GPHN: variants seen among roughly 807,000 people sequenced by gnomAD.
GPHN encodes the protein gephyrin.
Under a neutral mutation model 95.5 loss-of-function variants are expected in GPHN, and 17 were observed. That is an observed-to-expected ratio of 0.18 (90% CI 0.12 to 0.27). The LOEUF is 0.27. Ranked by LOEUF, GPHN falls within the 10% of genes least tolerant of loss-of-function variation. GPHN has a pLI of 1.00. For missense variants in GPHN, 660 were observed against 978.1 expected (o/e 0.67, Z 4.34); for synonymous variants, 320 against 322.5 (o/e 0.99, Z 0.08).
chr14:67,296,585 C>CAA, the GPHN span, among the ~76,000 whole-genome samples: 2,561 of 50,818 alleles, frequency 0.05, 444 homozygotes, highest in African/African-American at 0.076. Flanking sequence ...AACTCTGTCT[C>CAA]AAAAAAAAAA....
intron 3 of GPHN, among the ~76,000 whole-genome samples, chr14:66,780,094 T>C (rs2059551764): frequency 6.6e-6 from 1 of 152,206 alleles, no homozygotes; most frequent in Non-Finnish European, 1.5e-5. Context: ...ATTGGAAAGA[T>C]TGACTCAGAT....
intron 18 of GPHN, among the ~76,000 whole-genome samples, chr14:67,151,084 C>A (rs952204681): frequency 6.6e-5 from 10 of 152,044 alleles, no homozygotes; most frequent in Non-Finnish European, 1.2e-4. Flanking sequence ...CTTTAAGAGA[C>A]GATATAATTT....
At chr14:66,992,910 C>CA (rs766883925) in intron 9 of GPHN, among the ~76,000 whole-genome samples, 25 of 152,122 alleles carry the variant, frequency 1.6e-4, no homozygotes, top group Non-Finnish European at 3.1e-4. Flanking sequence ...GTTACTTACA[C>CA]AACAGCAGAG....
the GPHN span, among the ~76,000 whole-genome samples, chr14:67,703,583 G>A: frequency 1.3e-5 from 2 of 152,114 alleles, no homozygotes; most frequent in Non-Finnish European, 2.9e-5. Context: ...GTTCTGGGTG[G>A]ACCACTTGAG....
chr14:67,076,046 A>G (rs981696767), intron 11 of GPHN, among the ~76,000 whole-genome samples: 9 of 152,160 alleles, frequency 5.9e-5, no homozygotes, highest in African/African-American at 2.2e-4. Flanking sequence ...TGCTACAGAG[A>G]TATCTTTCAT....
chr14:67,518,068 C>T, the GPHN span, among the ~76,000 whole-genome samples: 1 of 152,188 alleles, frequency 6.6e-6, no homozygotes, highest in African/African-American at 2.4e-5. Flanking sequence ...GAGGGTGACC[C>T]TGGGTGCAGG....
intron 9 of GPHN, among the ~76,000 whole-genome samples, chr14:67,022,164 T>G (rs1196687068): frequency 1.3e-5 from 2 of 152,146 alleles, no homozygotes; most frequent in Non-Finnish European, 2.9e-5. Context: ...AGCAACTTGC[T>G]TATTTATTTT....
intron 9 of GPHN, among the ~76,000 whole-genome samples, chr14:66,977,213 C>T (rs1191671127): frequency 1.3e-5 from 2 of 152,208 alleles, no homozygotes. Flanking sequence ...GGATGGATCA[C>T]GAGGCCAGGA....
intron 2 of GPHN, among the ~76,000 whole-genome samples, chr14:66,753,788 C>A (rs560005706): frequency 1.3e-5 from 2 of 151,866 alleles, no homozygotes; most frequent in Non-Finnish European, 2.9e-5. Context: ...TTATTTTTGC[C>A]ACTGTCACCA....
chr14:67,144,806 T>A (rs1317896226), intron 18 of GPHN, among the ~76,000 whole-genome samples: 1 of 152,198 alleles, frequency 6.6e-6, no homozygotes, highest in African/African-American at 2.4e-5. Context: ...CTGCCTTCCA[T>A]TCACAAACTT....
chr14:67,598,648 T>C, the GPHN span, among the ~76,000 whole-genome samples: 3 of 151,944 alleles, frequency 2.0e-5, no homozygotes, highest in Non-Finnish European at 4.4e-5. Flanking sequence ...AACTATACAA[T>C]AAATTAAATT....
At chr14:66,735,542 C>G (rs949460729) in intron 2 of GPHN, among the ~76,000 whole-genome samples, 1 of 152,068 alleles carries the variant, frequency 6.6e-6, no homozygotes, top group Admixed American at 6.6e-5. Flanking sequence ...TTAACAGCTA[C>G]TAATTTGTTA....
intron 18 of GPHN, among the ~76,000 whole-genome samples, chr14:67,157,833 GAAGAGAGA>G (rs1461202613): frequency 1.4e-5 from 2 of 147,246 alleles, no homozygotes; most frequent in Non-Finnish European, 3.0e-5. Context: ...GTCTCAAGAA[GAAGAGAGA>G]AAGAGAAAAA....
chr14:66,671,582 GATTACATTA>G (rs1464833541), intron 1 of GPHN, among the ~76,000 whole-genome samples: 1 of 152,072 alleles, frequency 6.6e-6, no homozygotes, highest in Non-Finnish European at 1.5e-5. Flanking sequence ...ATTTTAGATT[GATTACATTA>G]ATACCATGAA....
At chr14:66,889,275 A>T (rs2064351536) in intron 5 of GPHN, among the ~76,000 whole-genome samples, 1 of 152,116 alleles carries the variant, frequency 6.6e-6, no homozygotes. Flanking sequence ...AAAACACTTC[A>T]CCCAACAACA....
At chr14:67,322,004 G>A in the GPHN span, among the ~76,000 whole-genome samples, 1 of 152,180 alleles carries the variant, frequency 6.6e-6, no homozygotes, top group African/African-American at 2.4e-5. Context: ...TTGGTTGTAT[G>A]AAAATAATGA....
At chr14:66,727,237 T>A (rs897535613) in intron 2 of GPHN, among the ~76,000 whole-genome samples, 2 of 151,970 alleles carry the variant, frequency 1.3e-5, no homozygotes, top group Non-Finnish European at 2.9e-5. Flanking sequence ...CCCAGCCACG[T>A]GGAACTCTTA....
At chr14:67,099,109 AC>A (rs2153677186) in intron 12 of GPHN, among the ~76,000 whole-genome samples, 1 of 150,068 alleles carries the variant, frequency 6.7e-6, no homozygotes, top group African/African-American at 2.4e-5. Context: ...TGTTGTAAAA[AC>A]TTTTTTTTTT....
At chr14:66,710,708 T>C (rs892049624) in intron 2 of GPHN, among the ~76,000 whole-genome samples, 14 of 152,112 alleles carry the variant, frequency 9.2e-5, no homozygotes, top group African/African-American at 3.1e-4. Context: ...GAGCTGCAGA[T>C]TTGGGCTTGA....
Sources: allele counts gnomAD v4.1 joint callset (sites outside exome capture counted in the v4.1 genomes callset), GRCh38; gene constraint gnomAD v4.1.1; transcripts MANE v1.5; gene names NCBI Gene and HGNC (gene_info 2026-07-23, HGNC 2026-07-21).